Variants in PRPSAP2 observed in about 807,000 individuals in gnomAD.
PRPSAP2 encodes phosphoribosyl pyrophosphate synthetase associated protein 2.
PRPSAP2 carries 24 observed loss-of-function variants against 40.6 expected under a neutral mutation model. The observed-to-expected ratio is 0.59, with a 90% confidence interval of 0.43 to 0.83. The LOEUF (loss-of-function observed/expected upper bound fraction) is 0.83, where lower values mean the gene tolerates loss of function less well. Among genes scored for constraint, PRPSAP2 ranks in the 40% least tolerant of loss-of-function variants. The probability of loss-of-function intolerance (pLI) is 0.00; values close to 1 mark genes in which losing one functional copy is unlikely to be tolerated. For missense variants in PRPSAP2, 292 were observed against 465.6 expected, an observed-to-expected ratio of 0.63 and a Z score of 3.43; for synonymous variants, 149 against 164.7, an observed-to-expected ratio of 0.90 and a Z score of 0.73.
intron 5 of PRPSAP2, 112 bp from the exon 6 acceptor site, chr17:18,877,586 C>A: frequency 9.7e-7 from 1 of 1,033,242 alleles, no homozygotes; most frequent in Non-Finnish European, 1.4e-6. Context: ...TTTTTTTCTG[C>A]CTTGCACCTT....
chr17:18,914,877 A>T (rs1474939419), intron 9 of PRPSAP2, among the ~76,000 whole-genome samples: 1 of 151,940 alleles, frequency 6.6e-6, no homozygotes, highest in East Asian at 1.9e-4. Context: ...GGTGCACACC[A>T]CCACACCTGG....
chr17:18,915,370 T>C (rs866377562), intron 9 of PRPSAP2, among the ~76,000 whole-genome samples: 5 of 152,152 alleles, frequency 3.3e-5, no homozygotes, highest in Admixed American at 6.6e-5. Context: ...ACCACTTAGA[T>C]CATTTCTAAG....
chr17:18,911,124 C>G lies in PRPSAP2; in HGVS notation c.606C>G (p.Arg202=), dbSNP rs1025160442. ...SAKRAQSFAE[R]LRLGIAVIHG... ...TCAGGGCACAGTCTTTTGCTGAGCG[C>G]CTGCGCCTGGGAATTGCAGTGATTC... is the stretch of plus-strand genomic sequence containing the variant. Residue 202 remains arginine (R), a synonymous_variant, in exon 9 of 12, where the codon CGC becomes CGG. Transcript: ENST00000268835. The surrounding 1 kb of genome is among the most constrained non-coding windows in gnomAD (Gnocchi z 4.5). 17 of 1,612,504 alleles carry G rather than the reference C, an allele frequency of 1.1e-5. No individual in the cohort carries two copies. Among genetic ancestry groups the G allele is most frequent in the Non-Finnish European group, 1.4e-5 (17 of 1,179,036 alleles).
At chr17:18,915,029 T>TTTC (rs2041224199) in intron 9 of PRPSAP2, among the ~76,000 whole-genome samples, 1 of 150,342 alleles carries the variant, frequency 6.7e-6, no homozygotes, top group East Asian at 1.9e-4. Context: ...CCCGACCTTT[T>TTTC]TTTTTTTTTT....
Position 18,892,745 on chromosome 17 carries a change from A to ATTATTTT in PRPSAP2, c.584+2870_584+2871insATTTTTT, listed in dbSNP as rs1555554153. ...TGTGTGTGTATTTATTTATTTATTT[A>ATTATTTT]TTTTTTTGAGACAGAGTCTCGCTCT... On this transcript the variant is annotated intron_variant, in intron 8 of 11. Transcript: ENST00000268835. Among the ~76,000 whole-genome samples, 202 of 125,766 alleles carry ATTATTTT rather than the reference A, an allele frequency of 1.6e-3. 4 individuals are homozygous for ATTATTTT. Among genetic ancestry groups the ATTATTTT allele is most frequent in the African/African-American group, 5.9e-3 (197 of 33,154 alleles). The allele number at this position is 125,766 out of a possible 152,430, so 82.5% of individuals were successfully genotyped here. A position where few individuals can be genotyped will look rare whatever the true frequency, so the allele number is the denominator to read the frequency against.
rs368088976 is a variant in PRPSAP2 at position 18,881,842 on chromosome 17, A to AT, written c.413-710dup. 1.3e-3 allele frequency among the ~76,000 whole-genome samples: 177 copies of AT among 131,704 alleles called. 1 individual carries two copies. The highest frequency in any genetic ancestry group is 2.3e-3 in the Admixed American group (30 of 12,908). 86.4% of individuals were successfully genotyped at this position (131,704 alleles called of 152,430 possible). On this transcript the variant is annotated intron_variant, in intron 6 of 11. Transcript: ENST00000268835. ...GCCACTGTGCCCGGCCATGAGAGCAATTTTTTTTTTTTTTTTGAGACGGAG... is the reference window on the plus strand; with the variant it reads ...GCCACTGTGCCCGGCCATGAGAGCAATTTTTTTTTTTTTTTTTGAGACGGAG...
chr17:18,872,039 G>A (rs1221436406), intron 4 of PRPSAP2, among the ~76,000 whole-genome samples: 2 of 152,134 alleles, frequency 1.3e-5, no homozygotes, highest in East Asian at 3.9e-4. Flanking sequence ...GGGAGGCTGA[G>A]GCAGGCAGAT....
intron 9 of PRPSAP2, 24 bp from the exon 10 acceptor site, chr17:18,923,890 G>C: frequency 6.4e-7 from 1 of 1,574,018 alleles, no homozygotes; most frequent in Non-Finnish European, 8.6e-7. Flanking sequence ...AAAAATTTTG[G>C]TGTGTGTGTT....
chr17:18,914,401 A>G (rs1333288151), intron 9 of PRPSAP2, among the ~76,000 whole-genome samples: 1 of 148,822 alleles, frequency 6.7e-6, no homozygotes, highest in East Asian at 2.0e-4. Flanking sequence ...GGGACTATAG[A>G]TGTGTGCACC....
intron 4 of PRPSAP2, among the ~76,000 whole-genome samples, chr17:18,872,050 C>G (rs112501378): frequency 2.6e-5 from 4 of 151,980 alleles, no homozygotes; most frequent in African/African-American, 9.7e-5. Context: ...GCAGGCAGAT[C>G]GCGAGGTCAG....
chr17:18,873,254 C>T (rs1468505623), intron 5 of PRPSAP2, among the ~76,000 whole-genome samples: 5 of 142,138 alleles, frequency 3.5e-5, no homozygotes, highest in African/African-American at 5.3e-5. Context: ...AGTGCAATGA[C>T]GCGATCTCGG....
chr17:18,859,278 A>G (rs1175238983), intron 1 of PRPSAP2: 1 of 152,234 alleles, frequency 6.6e-6, no homozygotes, highest in Non-Finnish European at 1.5e-5. Flanking sequence ...CAAACAAGGC[A>G]TGTTTACAAT....
intron 10 of PRPSAP2, among the ~76,000 whole-genome samples, chr17:18,925,135 A>AT (rs1471205625): frequency 1.3e-5 from 2 of 152,230 alleles, no homozygotes; most frequent in Non-Finnish European, 2.9e-5. Context: ...AAAAAAAAAA[A>AT]GTAAACTACA....
chr17:18,880,351 G>A (rs1202072842), intron 6 of PRPSAP2, among the ~76,000 whole-genome samples: 4 of 152,112 alleles, frequency 2.6e-5, no homozygotes, highest in African/African-American at 9.7e-5. Flanking sequence ...TTACAAAGGT[G>A]GTGAAGGTTT....
In PRPSAP2 at chr17:18,928,653, A is replaced by T. The variant is rs572036128; in HGVS notation, c.805-158A>T. The T allele has an allele frequency of 7.9e-4, 679 of 860,662 alleles. 7 individuals are homozygous for T. The South Asian group carries it at 9.2e-3, about 12-fold the overall frequency. 53.3% of individuals were successfully genotyped at this position (860,662 alleles called of 1,614,324 possible). On this transcript the variant is annotated intron_variant, in intron 10 of 11. Coordinates refer to ENST00000268835, the MANE Select transcript of PRPSAP2 (RefSeq NM_002767.4). ...AAGTACTGGAGGGCTGCCATGGGGC[A>T]CGGTGATGGGGACATGGGGCCATGC... is the stretch of plus-strand genomic sequence containing the variant.
At chr17:18,901,516 A>G (rs1376599992) in intron 8 of PRPSAP2, among the ~76,000 whole-genome samples, 1 of 152,046 alleles carries the variant, frequency 6.6e-6, no homozygotes, top group African/African-American at 2.4e-5. Flanking sequence ...AGTAGCTGGG[A>G]CTACAGGCGT....
intron 8 of PRPSAP2, among the ~76,000 whole-genome samples, chr17:18,900,041 C>A (rs1408675246): frequency 6.6e-6 from 1 of 152,318 alleles, no homozygotes; most frequent in Non-Finnish European, 1.5e-5. Context: ...CATCTGCCAC[C>A]ACGCCCGGCT....
At chr17:18,924,808 G>A (rs1239218166) in intron 10 of PRPSAP2, among the ~76,000 whole-genome samples, 1 of 148,390 alleles carries the variant, frequency 6.7e-6, no homozygotes, top group Non-Finnish European at 1.5e-5. Context: ...CATAACATGA[G>A]ATATTGTTCT....
chr17:18,879,745 C>G (rs548459710), intron 6 of PRPSAP2, among the ~76,000 whole-genome samples: 2 of 152,036 alleles, frequency 1.3e-5, no homozygotes, highest in African/African-American at 2.4e-5. Context: ...TGAGCCACCA[C>G]GCCCAGCCCA....
Sources: allele counts gnomAD v4.1 joint callset (sites outside exome capture counted in the v4.1 genomes callset), GRCh38; gene constraint gnomAD v4.1.1; non-coding constraint Gnocchi (gnomAD v3.1); transcripts MANE v1.5; gene names NCBI Gene and HGNC (gene_info 2026-07-23, HGNC 2026-07-21).